PHF21A: variants seen among roughly 807,000 people sequenced by gnomAD.
PHF21A encodes PHD finger protein 21A.
PHF21A carries 11 observed loss-of-function variants against 82.5 expected under a neutral mutation model. The ratio of observed to expected loss-of-function variants is 0.13; its 90% CI spans 0.08 to 0.22. The LOEUF (loss-of-function observed/expected upper bound fraction) is 0.22, where lower values mean the gene tolerates loss of function less well. Among genes scored for constraint, PHF21A ranks in the 10% least tolerant of loss-of-function variants. The pLI is 1.00. For missense variants in PHF21A, 579 were observed against 837.8 expected (o/e 0.69, Z 3.81); for synonymous variants, 297 against 302.8 (o/e 0.98, Z 0.20).
intron 6 of PHF21A, among the ~76,000 whole-genome samples, chr11:46,030,954 A>G (rs2095856625): frequency 6.6e-6 from 1 of 151,904 alleles, no homozygotes; most frequent in South Asian, 2.1e-4. Flanking sequence ...AGCATCTATC[A>G]ATATTTGCTC....
intron 10 of PHF21A, among the ~76,000 whole-genome samples, chr11:45,957,750 G>GAAAAAAAAAAAAAAAAAAAAAAAAAA (rs2092747804): frequency 1.1e-4 from 2 of 19,044 alleles, no homozygotes; most frequent in Admixed American, 5.7e-4. Context: ...TAAATTCAAA[G>GAAAAAAAAAAAAAAAAAAAAAAAAAA]CAAAAAAAAA....
At chr11:45,993,729 T>G (rs768790943) in intron 6 of PHF21A, among the ~76,000 whole-genome samples, 1 of 151,384 alleles carries the variant, frequency 6.6e-6, no homozygotes, top group Non-Finnish European at 1.5e-5. Flanking sequence ...GTCAGGCTGT[T>G]GAGATCCAAG....
intron 6 of PHF21A, among the ~76,000 whole-genome samples, chr11:46,001,103 A>T (rs1292307444): frequency 1.3e-5 from 2 of 152,102 alleles, no homozygotes; most frequent in Non-Finnish European, 1.5e-5. Flanking sequence ...ATAAAATCAG[A>T]CATTTTGCTA....
At chr11:46,017,476 A>G (rs1473069956) in intron 6 of PHF21A, among the ~76,000 whole-genome samples, 2 of 152,116 alleles carry the variant, frequency 1.3e-5, no homozygotes, top group Non-Finnish European at 2.9e-5. Flanking sequence ...TGGACTGATA[A>G]CACTCTGTCT....
intron 6 of PHF21A, among the ~76,000 whole-genome samples, chr11:45,994,948 G>C (rs2094852473): frequency 6.6e-6 from 1 of 152,110 alleles, no homozygotes. Flanking sequence ...TTCAACCAAA[G>C]GACGTAAGAA....
At chr11:46,060,007 C>T (rs187712368) in intron 6 of PHF21A, among the ~76,000 whole-genome samples, 2 of 152,012 alleles carry the variant, frequency 1.3e-5, no homozygotes, top group African/African-American at 4.8e-5. Flanking sequence ...GCCTCCAAAG[C>T]GCTGGGATTA....
chr11:46,047,514 G>A (rs950803920), intron 6 of PHF21A, among the ~76,000 whole-genome samples: 1 of 152,128 alleles, frequency 6.6e-6, no homozygotes, highest in Non-Finnish European at 1.5e-5. Context: ...TAGTTAGGAA[G>A]CATTATTATC....
chr11:46,067,774 G>C (rs2139709018), intron 6 of PHF21A, among the ~76,000 whole-genome samples: 1 of 152,256 alleles, frequency 6.6e-6, no homozygotes, highest in East Asian at 1.9e-4. Flanking sequence ...ACAAATGTGA[G>C]CAAGACACAG....
rs921844507 is a variant in PHF21A, at chr11:45,932,953, T to C, written c.*1015A>G. On this transcript the variant is annotated 3_prime_UTR_variant, in exon 19 of 19. Transcript: ENST00000676320. The surrounding 1 kb of genome is among the most constrained non-coding windows in gnomAD (Gnocchi z 4.3). ...TAAAATGAACAGTAAAATAAAACTT[T>C]CCTTAAAGAAAAAAAGAACAAAAAC... The C allele has an allele frequency of 1.3e-5, 2 of 152,176 alleles. No individual in the cohort carries two copies. The highest frequency in any genetic ancestry group is 2.9e-5 in the Non-Finnish European group (2 of 67,954). 9.4% of individuals were successfully genotyped at this position (152,176 alleles called of 1,614,324 possible). A position where few individuals can be genotyped will look rare whatever the true frequency, so the allele number is the denominator to read the frequency against.
At chr11:46,067,236 AAAG>A (rs1300378603) in intron 6 of PHF21A, among the ~76,000 whole-genome samples, 2 of 152,198 alleles carry the variant, frequency 1.3e-5, no homozygotes, top group Non-Finnish European at 2.9e-5. Context: ...TGCACTATGC[AAAG>A]AAGACAGGTA....
intron 9 of PHF21A, among the ~76,000 whole-genome samples, chr11:45,967,094 C>A (rs551934889): frequency 3.3e-5 from 5 of 152,166 alleles, no homozygotes; most frequent in Non-Finnish European, 5.9e-5. Context: ...CCTGGCCGGG[C>A]ACAGTGGCTC....
chr11:45,999,853 AAAC>A (rs1271586049), intron 6 of PHF21A, among the ~76,000 whole-genome samples: 1 of 152,100 alleles, frequency 6.6e-6, no homozygotes, highest in African/African-American at 2.4e-5. Context: ...CAGTATATAG[AAAC>A]ATCGTAACTT....
intron 6 of PHF21A, among the ~76,000 whole-genome samples, chr11:46,018,399 A>G (rs61882536): frequency 0.12 from 18,422 of 152,246 alleles, 1,348 homozygotes; most frequent in African/African-American, 0.22. Flanking sequence ...GAGAATGTAC[A>G]GTATAGTATT....
chr11:45,953,796 A>T (rs2092390172), intron 10 of PHF21A, among the ~76,000 whole-genome samples, 171 bp from the exon 11 acceptor site: 1 of 152,240 alleles, frequency 6.6e-6, no homozygotes, highest in Non-Finnish European at 1.5e-5. Context: ...GGGAAACTAA[A>T]ATGTAAAGCC....
At chr11:46,069,121 G>C (rs2096627958) in intron 6 of PHF21A, among the ~76,000 whole-genome samples, 1 of 152,294 alleles carries the variant, frequency 6.6e-6, no homozygotes. Flanking sequence ...TCGATCTTCA[G>C]AACTTTCATA....
chr11:46,042,598 G>A (rs1286861158), intron 6 of PHF21A, among the ~76,000 whole-genome samples: 1 of 152,078 alleles, frequency 6.6e-6, no homozygotes, highest in Non-Finnish European at 1.5e-5. Flanking sequence ...CTAGGACATG[G>A]TGCTAGATCT....
At chr11:45,982,956 C>T (rs1265590155) in intron 6 of PHF21A, among the ~76,000 whole-genome samples, 4 of 152,168 alleles carry the variant, frequency 2.6e-5, no homozygotes, top group Non-Finnish European at 5.9e-5. Context: ...CTACAGCCAT[C>T]CTTAGGAAAC....
At chr11:46,118,135 A>AC (rs926619422) in intron 1 of PHF21A, 3 of 152,046 alleles carry the variant, frequency 2.0e-5, no homozygotes, top group Non-Finnish European at 4.4e-5. Flanking sequence ...AAAAGGATGG[A>AC]CCCTTCAAAG....
intron 1 of PHF21A, among the ~76,000 whole-genome samples, chr11:46,111,312 AT>A (rs1049605502): frequency 6.6e-6 from 1 of 151,678 alleles, no homozygotes; most frequent in Non-Finnish European, 1.5e-5. Flanking sequence ...TCTACTAAAA[AT>A]ATAACAATTA....
Sources: allele counts gnomAD v4.1 joint callset (sites outside exome capture counted in the v4.1 genomes callset), GRCh38; gene constraint gnomAD v4.1.1; non-coding constraint Gnocchi (gnomAD v3.1); transcripts MANE v1.5; gene names NCBI Gene and HGNC (gene_info 2026-07-23, HGNC 2026-07-21).